ACACA: variants seen among roughly 807,000 people sequenced by gnomAD.
The protein encoded by ACACA is acetyl-CoA carboxylase 1.
A neutral mutation model predicts 296.1 loss-of-function variants in ACACA; 103 were observed. The ratio of observed to expected loss-of-function variants is 0.35; its 90% CI spans 0.30 to 0.41. ACACA has a LOEUF of 0.41. ACACA is among the 10% of genes least tolerant of loss of function. The pLI is 1.00. For missense variants in ACACA, 1,554 were observed against 2,989.7 expected, an observed-to-expected ratio of 0.52 and a Z score of 11.20; for synonymous variants, 953 against 1,038.6, an observed-to-expected ratio of 0.92 and a Z score of 1.58.
intron 25 of ACACA, among the ~76,000 whole-genome samples, chr17:37,233,094 T>C (rs2079939459): frequency 6.6e-6 from 1 of 152,206 alleles, no homozygotes; most frequent in Non-Finnish European, 1.5e-5. Flanking sequence ...CTGTCCTGAC[T>C]GGCAAAAGCA....
intron 41 of ACACA, among the ~76,000 whole-genome samples, chr17:37,172,894 C>G (rs1350035960): frequency 5.3e-5 from 8 of 152,144 alleles, no homozygotes; most frequent in Non-Finnish European, 1.0e-4. Flanking sequence ...TTTTACAGAC[C>G]CGCTTCGCTT....
intron 41 of ACACA, among the ~76,000 whole-genome samples, chr17:37,169,896 C>T (rs2076821419): frequency 6.6e-6 from 1 of 151,916 alleles, no homozygotes; most frequent in African/African-American, 2.4e-5. Context: ...AAAAAGGTAC[C>T]CTGTAGCCCG....
At chr17:37,256,641 A>G (rs1230769866) in intron 14 of ACACA, among the ~76,000 whole-genome samples, 1 of 152,184 alleles carries the variant, frequency 6.6e-6, no homozygotes, top group African/African-American at 2.4e-5. Context: ...CTGAGGCAAA[A>G]GGATTGCTTG....
At chr17:37,291,771 A>C (rs1021341464) in intron 3 of ACACA, among the ~76,000 whole-genome samples, 1 of 152,212 alleles carries the variant, frequency 6.6e-6, no homozygotes, top group Non-Finnish European at 1.5e-5. Context: ...AGAACACCTG[A>C]TGATGTTATT....
intron 21 of ACACA, 65 bp from the exon 22 acceptor site, chr17:37,243,624 T>G (rs1010778608): frequency 6.5e-7 from 1 of 1,537,048 alleles, no homozygotes. Flanking sequence ...AAAAGATATA[T>G]AGTTGTCATT....
At chr17:37,337,331 G>C (rs575833639) in intron 2 of ACACA, among the ~76,000 whole-genome samples, 6 of 149,892 alleles carry the variant, frequency 4.0e-5, no homozygotes, top group Non-Finnish European at 8.9e-5. Context: ...TGGGAGAATC[G>C]TTTGAGCCCA....
rs977477714 is a variant in ACACA, at chr17:37,253,046, C to T, written c.1827-10G>A. ...AGCCACCACCATGTTTCTGGGAGAA[C>T]AGAAGCCAATCTGTTTCAGCAACAA... On this transcript the variant is annotated splice_polypyrimidine_tract_variant and intron_variant, in intron 14 of 55. Coordinates refer to ENST00000616317, the MANE Select transcript of ACACA (RefSeq NM_198834.3). The T allele has an allele frequency of 1.9e-6, 3 of 1,614,198 alleles. No individual in the cohort carries two copies. The South Asian group carries it at 3.3e-5, about 18-fold the overall frequency.
At position 37,236,235 on chromosome 17, in the gene ACACA, A is replaced by T. The variant is rs529442167; in HGVS notation, c.3122-1136T>A. On this transcript the variant is annotated intron_variant, in intron 24 of 55. Transcript: ENST00000616317. ...AAGCAATTTTTTTCCAAATAAAATT[A>T]TATTTGAAAAACAATGGACTACAAT... Among the ~76,000 whole-genome samples the T allele has an allele frequency of 3.3e-3, 500 of 152,322 alleles. 3 individuals are homozygous for T. Among genetic ancestry groups the T allele is most frequent in the African/African-American group, 0.011 (465 of 41,578 alleles).
rs1438990848 is a variant in ACACA at position 37,122,909 on chromosome 17, G to C, written c.6042-282C>G. 5 of 517,158 alleles carry C rather than the reference G, an allele frequency of 9.7e-6. No homozygotes were observed. In the Admixed American group the frequency reaches 1.6e-4, roughly 16 times the overall value. 32.0% of individuals were successfully genotyped at this position (517,158 alleles called of 1,614,324 possible). On this transcript the variant is annotated intron_variant, in intron 48 of 55. Transcript: ENST00000616317. ...TGTTCTAGGGGAGCCTCTACATTTA[G>C]ACTCAACAGCCTAGCACATATACAC...
intron 1 of ACACA, among the ~76,000 whole-genome samples, chr17:37,344,151 AGGTGTGGT>A (rs895379631): frequency 5.3e-5 from 8 of 152,148 alleles, no homozygotes; most frequent in African/African-American, 1.9e-4. Context: ...CCTCTAGGCC[AGGTGTGGT>A]GGTTCACACC....
At chr17:37,235,591 C>A (rs549742453) in intron 24 of ACACA, among the ~76,000 whole-genome samples, 3 of 152,114 alleles carry the variant, frequency 2.0e-5, no homozygotes, top group Non-Finnish European at 4.4e-5. Flanking sequence ...GTTTGACTTG[C>A]AGAAAATAGT....
At chr17:37,289,534 G>A in intron 3 of ACACA, 2 of 1,345,664 alleles carry the variant, frequency 1.5e-6, no homozygotes, top group Non-Finnish European at 2.0e-6. Context: ...AAAGTCTGAG[G>A]ATACAAAAAT....
At chr17:37,380,825 G>A (rs768928427) in intron 1 of ACACA, among the ~76,000 whole-genome samples, 6 of 151,514 alleles carry the variant, frequency 4.0e-5, no homozygotes, top group Non-Finnish European at 8.8e-5. Context: ...TCTGATCTCT[G>A]ACCTCAAGTA....
intron 2 of ACACA, among the ~76,000 whole-genome samples, chr17:37,332,739 C>T (rs1403044900): frequency 6.6e-6 from 1 of 151,972 alleles, no homozygotes; most frequent in African/African-American, 2.4e-5. Flanking sequence ...TGGTGAAACC[C>T]CGTCTCTACT....
chr17:37,174,501 G>A (rs2077033581), intron 41 of ACACA, among the ~76,000 whole-genome samples: 1 of 152,034 alleles, frequency 6.6e-6, no homozygotes, highest in Non-Finnish European at 1.5e-5. Context: ...GTGTAGAGGT[G>A]ACCATCAAAT....
intron 3 of ACACA, among the ~76,000 whole-genome samples, chr17:37,285,537 G>A (rs1473537072): frequency 2.0e-5 from 3 of 152,084 alleles, no homozygotes; most frequent in Non-Finnish European, 2.9e-5. Context: ...TCCTAGGCCG[G>A]GTGCAGTGGC....
intron 11 of ACACA, 89 bp downstream of exon 11, chr17:37,263,596 A>C: frequency 8.7e-7 from 1 of 1,152,568 alleles, no homozygotes; most frequent in Non-Finnish European, 1.3e-6. Flanking sequence ...ATCGTTGCTT[A>C]AAATGCCATT....
intron 43 of ACACA, among the ~76,000 whole-genome samples, chr17:37,155,058 C>T (rs564919014): frequency 2.2e-4 from 34 of 152,200 alleles, no homozygotes; most frequent in African/African-American, 4.3e-4. Context: ...TTTCGACCTG[C>T]AATTTCTCTT....
chr17:37,276,905 G>T, intron 7 of ACACA, 128 bp downstream of exon 7: 1 of 832,830 alleles, frequency 1.2e-6, no homozygotes. Context: ...GTTAGTAATA[G>T]ATTGAGGGAA....
Sources: gnomAD v4.1 joint callset for allele counts (sites outside exome capture counted in the v4.1 genomes callset) on GRCh38, gnomAD v4.1.1 for gene constraint, MANE v1.5 for transcripts, NCBI Gene and HGNC (gene_info 2026-07-23, HGNC 2026-07-21) for gene names.